The following RNF145 variants were observed in gnomAD, a reference collection of about 807,000 sequenced individuals.
RNF145 encodes ring finger protein 145.
RNF145 carries 12 observed loss-of-function variants against 57.3 expected under a neutral mutation model. The observed-to-expected ratio is 0.21, with a 90% CI of 0.13 to 0.34. The LOEUF is 0.34. RNF145 is among the 10% of genes least tolerant of loss of function. The probability of loss-of-function intolerance (pLI) is 1.00; values close to 1 mark genes in which losing one functional copy is unlikely to be tolerated. For missense variants in RNF145, 429 were observed against 799.0 expected (o/e 0.54, Z 5.58); for synonymous variants, 262 against 288.3 (o/e 0.91, Z 0.92).
chr5:159,162,143 C>T (rs981744998), intron 9 of RNF145, among the ~76,000 whole-genome samples: 1 of 152,126 alleles, frequency 6.6e-6, no homozygotes, highest in Non-Finnish European at 1.5e-5. Flanking sequence ...GTGTGCATGT[C>T]TGTGAAACAT....
chr5:159,205,742 T>C (rs952484577), intron 1 of RNF145, among the ~76,000 whole-genome samples: 6 of 152,184 alleles, frequency 3.9e-5, no homozygotes, highest in Admixed American at 2.6e-4. Context: ...CCAATATAAA[T>C]CATTACTCTG....
intron 3 of RNF145, among the ~76,000 whole-genome samples, chr5:159,191,534 T>C (rs957684392): frequency 2.0e-5 from 3 of 152,244 alleles, no homozygotes; most frequent in Non-Finnish European, 4.4e-5. Flanking sequence ...GGTTCGTGCC[T>C]GTAATCTCAG....
intron 3 of RNF145, among the ~76,000 whole-genome samples, chr5:159,188,011 C>T (rs1480680520): frequency 6.6e-6 from 1 of 152,138 alleles, no homozygotes; most frequent in East Asian, 1.9e-4. Flanking sequence ...AAAGCCAGTT[C>T]TACTGGGCTC....
At chr5:159,180,757 T>C (rs1371032292) in intron 4 of RNF145, among the ~76,000 whole-genome samples, 1 of 152,146 alleles carries the variant, frequency 6.6e-6, no homozygotes, top group Non-Finnish European at 1.5e-5. Context: ...AAAGTTAACC[T>C]GGTTTGTACC....
intron 8 of RNF145, among the ~76,000 whole-genome samples, chr5:159,163,838 A>T (rs2113086528): frequency 6.6e-6 from 1 of 152,344 alleles, no homozygotes; most frequent in East Asian, 1.9e-4. Context: ...CCCTCTCAGC[A>T]AAACACAAGC....
At chr5:159,173,744 C>A (rs1430741720) in intron 6 of RNF145, among the ~76,000 whole-genome samples, 1 of 152,078 alleles carries the variant, frequency 6.6e-6, no homozygotes, top group Non-Finnish European at 1.5e-5. Context: ...TTGCTATGTA[C>A]CTTTCCACAA....
At chr5:159,180,720 T>C (rs529209186) in intron 4 of RNF145, among the ~76,000 whole-genome samples, 1 of 152,230 alleles carries the variant, frequency 6.6e-6, no homozygotes, top group African/African-American at 2.4e-5. Flanking sequence ...ACATTCAATC[T>C]ATATTAAAAG....
chr5:159,203,496 C>T lies in RNF145; in HGVS notation c.122G>A (p.Ser41Asn). Residue 41 changes from serine to asparagine, a missense_variant, in exon 2 of 11, where the codon AGT (serine) becomes AAT (asparagine). By Grantham distance (46) the Ser-to-Asn change is conservative (BLOSUM62 1). This residue lies in a region of RNF145 where 109 missense variants were observed against 207.2 expected (regional missense o/e 0.53). Coordinates refer to ENST00000424310, the MANE Select transcript of RNF145 (RefSeq NM_001199383.2). ...VSSFFQQIQR[S>N]SLSNNPLFQY... ...GAAAAGAGGGTTATTACTAAGGCTA[C>T]TTCTTTGGATCTGCTGGAAAAAGGA... 1 of 1,614,138 alleles carries T rather than the reference C, an allele frequency of 6.2e-7. No homozygotes were observed. The highest frequency in any genetic ancestry group is 2.2e-5 in the East Asian group (1 of 44,868).
Position 159,203,613 on chromosome 5 carries a change from G to C in RNF145, c.5C>G (p.Ala2Gly), listed in dbSNP as rs1451600562. The C allele has an allele frequency of 6.3e-7, 1 of 1,598,212 alleles. No individual in the cohort carries two copies. The highest frequency in any genetic ancestry group is 8.5e-7 in the Non-Finnish European group (1 of 1,175,668). M[A>G]AKEKLEAVLN... ...CACTGCCTCCAGTTTCTCCTTTGCA[G>C]CCATGTTGTTTTTTTTTTTCTTTTT... Residue 2 changes from alanine (A) to glycine (G), a missense_variant, in exon 2 of 11, where the codon GCT (alanine) becomes GGT (glycine). Transcript: ENST00000424310.
In RNF145 at chr5:159,161,426, A is replaced by G; in HGVS notation, c.1466T>C (p.Ile489Thr). The change falls in exon 10 of 11, where the codon ATC becomes ACC. Residue 489 changes from isoleucine (I) to threonine (T), a missense_variant. Transcript: ENST00000424310. ...GTTATAGTAGGAATGAATGAAGATG[A>G]TCATTGAGCCCATCACTGTCCATTC... Reference protein sequence around the residue: ...FGEWTVMGSMIIFIHSYYNVW... With the variant: ...FGEWTVMGSMTIFIHSYYNVW... The G allele has an allele frequency of 1.9e-6, 3 of 1,614,200 alleles. No individual in the cohort carries two copies. Among genetic ancestry groups the G allele is most frequent in the Non-Finnish European group, 2.5e-6 (3 of 1,180,032 alleles).
chr5:159,159,110 G>C (rs1400037179), intron 10 of RNF145, 75 bp from the exon 11 acceptor site: 2 of 1,359,084 alleles, frequency 1.5e-6, no homozygotes, highest in African/African-American at 2.9e-5. Context: ...CAAAGTTCTG[G>C]TTCTAACATC....
At chr5:159,159,170 CT>C (rs1194326029) in intron 10 of RNF145, 135 bp from the exon 11 acceptor site, 1 of 747,468 alleles carries the variant, frequency 1.3e-6, no homozygotes, top group Non-Finnish European at 2.1e-6. Context: ...ATAAAACTTA[CT>C]TTATATATCA....
intron 10 of RNF145, among the ~76,000 whole-genome samples, chr5:159,160,570 T>G (rs902722428): frequency 1.3e-5 from 2 of 152,206 alleles, no homozygotes; most frequent in Non-Finnish European, 2.9e-5. Flanking sequence ...GTCCATTATT[T>G]CCAACAGTGC....
intron 5 of RNF145, among the ~76,000 whole-genome samples, chr5:159,175,795 T>A (rs1784703132): frequency 6.6e-6 from 1 of 152,180 alleles, no homozygotes; most frequent in Non-Finnish European, 1.5e-5. Context: ...TTCACTTAGC[T>A]GTTATCAGTT....
Position 159,161,603 on chromosome 5 carries a change from A to G in RNF145, c.1289T>C (p.Ile430Thr). The change falls in exon 10 of 11, where the codon ATT becomes ACT. Residue 430 changes from isoleucine (I) to threonine (T), a missense_variant. Around this residue, in one of 4 missense-constraint regions of RNF145, gnomAD observed 216 missense variants for 457.6 expected, o/e 0.47. Coordinates refer to ENST00000424310, the MANE Select transcript of RNF145 (RefSeq NM_001199383.2). ...TSLQVLGTLF[I>T]YVLFMVEEFR... ...TTCCTCAACCATAAATAAGACATAA[A>G]TAAAAAGTGTTCCCAGAACCTGAAA... The G allele has an allele frequency of 1.3e-6, 2 of 1,584,670 alleles. No individual in the cohort carries two copies. Among genetic ancestry groups the G allele is most frequent in the Non-Finnish European group, 8.5e-7 (1 of 1,169,678 alleles).
intron 3 of RNF145, among the ~76,000 whole-genome samples, chr5:159,187,670 G>C (rs1785126232): frequency 6.6e-6 from 1 of 152,124 alleles, no homozygotes; most frequent in Non-Finnish European, 1.5e-5. Flanking sequence ...GTTCCTCAGA[G>C]ACAGCATGTG....
chr5:159,194,891 G>A (rs949702088), intron 2 of RNF145, 67 bp from the exon 3 acceptor site: 6 of 1,121,546 alleles, frequency 5.3e-6, no homozygotes, highest in African/African-American at 4.8e-5. Context: ...ATAAAAGAAA[G>A]AGCTTGAGAC....
rs1381271326 is a variant in RNF145, at chr5:159,189,806, T to G, written c.293+4910A>C. Among the ~76,000 whole-genome samples, 3 of 152,322 alleles carry G rather than the reference T, an allele frequency of 2.0e-5. No individual in the cohort carries two copies. In the East Asian group the frequency reaches 5.8e-4, roughly 29 times the overall value. Reference sequence around the variant, plus strand: ...ACACATGCTGCAACATGCATGAATCTTGAAAACATGCTAAGTGAAATTCAG... The same window carrying G: ...ACACATGCTGCAACATGCATGAATCGTGAAAACATGCTAAGTGAAATTCAG... On this transcript the variant is annotated intron_variant, in intron 3 of 10. Coordinates refer to ENST00000424310, the MANE Select transcript of RNF145 (RefSeq NM_001199383.2).
In RNF145 at chr5:159,209,467, G is replaced by A; in HGVS notation, c.-276C>T. ...GTCACCATCGTCCGCGGCAGCAGGC[G>A]CTCGCGGGCCGAGCCCCTTAGCAGC... is the stretch of plus-strand genomic sequence containing the variant. On this transcript the variant is annotated 5_prime_UTR_variant, in exon 1 of 11. Coordinates refer to ENST00000424310, the MANE Select transcript of RNF145 (RefSeq NM_001199383.2). 1.0e-6 allele frequency: 1 copy of A among 981,692 alleles called. No individual in the cohort carries two copies. The highest frequency in any genetic ancestry group is 1.2e-6 in the Non-Finnish European group (1 of 826,768). The allele number at this position is 981,692 out of a possible 1,614,324, so 60.8% of individuals were successfully genotyped here. A position where few individuals can be genotyped will look rare whatever the true frequency, so the allele number is the denominator to read the frequency against.
Sources: allele counts gnomAD v4.1 joint callset (sites outside exome capture counted in the v4.1 genomes callset), GRCh38; gene constraint gnomAD v4.1.1; regional missense constraint gnomAD v4.1.1; transcripts MANE v1.5; gene names NCBI Gene and HGNC (gene_info 2026-07-23, HGNC 2026-07-21).